EDNRB: variants seen among roughly 807,000 people sequenced by gnomAD.
EDNRB encodes the protein endothelin receptor type B, also known as Hirschsprung disease 2.
Under a neutral mutation model 46.4 loss-of-function variants are expected in EDNRB, and 18 were observed. The observed-to-expected ratio is 0.39, with a 90% confidence interval of 0.27 to 0.57. EDNRB has a LOEUF of 0.57. Among genes scored for constraint, EDNRB ranks in the 20% least tolerant of loss-of-function variants. EDNRB has a pLI of 0.61. For synonymous variants in EDNRB, 213 were observed against 204.9 expected, an observed-to-expected ratio of 1.04 and a Z score of -0.34; for missense variants, 434 against 537.5, an observed-to-expected ratio of 0.81 and a Z score of 1.90.
At chr13:77,901,296 G>A in intron 3 of EDNRB, 89 bp from the exon 4 acceptor site, 2 of 1,371,848 alleles carry the variant, frequency 1.5e-6, no homozygotes, top group Non-Finnish European at 2.0e-6. Context: ...ATTCATCAGG[G>A]AATGATTATC....
Position 77,918,166 on chromosome 13 carries a change from G to A in EDNRB, c.408C>T (p.Pro136=), listed in dbSNP as rs773354957. 3 of 1,614,172 alleles carry A rather than the reference G, an allele frequency of 1.9e-6. No homozygotes were observed. The highest frequency in any genetic ancestry group is 2.5e-6 in the Non-Finnish European group (3 of 1,180,036). The part of the protein sequence containing the change: ...IYKNKCMRNG[P]NILIASLALG... ...GAGCCAAGCTGGCGATCAAGATATT[G>A]GGACCGTTTCGCATGCACTTGTTCT... The change falls in exon 1 of 7, where the codon CCC becomes CCT. Residue 136 remains proline (P), a synonymous_variant. Coordinates refer to ENST00000646607, the MANE Select transcript of EDNRB (RefSeq NM_001122659.3). This position sits in a 1 kb window ranked among gnomAD's most constrained non-coding sequence, Gnocchi z 4.5.
chr13:77,904,685 T>C (rs1010426431), intron 1 of EDNRB, among the ~76,000 whole-genome samples: 2 of 151,896 alleles, frequency 1.3e-5, no homozygotes, highest in African/African-American at 4.8e-5. Context: ...CCATCTATTA[T>C]TAAATGTGGT....
rs11359758 is a variant in EDNRB, at chr13:77,908,426, CAAA to C, written c.484-4822_484-4820del. On this transcript the variant is annotated intron_variant, in intron 1 of 6. Coordinates refer to ENST00000646607, the MANE Select transcript of EDNRB (RefSeq NM_001122659.3). ...GTGGGGAAAAACTATGAAGTTTTGC[CAAA>C]AAAAAAAAAAAAAAAATTCACTCTC... Among the ~76,000 whole-genome samples, 515 of 124,142 alleles carry C rather than the reference CAAA, an allele frequency of 4.1e-3. 4 individuals are homozygous for C. The highest frequency in any genetic ancestry group is 8.3e-3 in the Middle Eastern group (2 of 242). 81.4% of individuals were successfully genotyped at this position (124,142 alleles called of 152,430 possible).
chr13:77,910,509 C>T lies in EDNRB; in HGVS notation c.484-6902G>A, dbSNP rs3027126. 8.8e-3 allele frequency among the ~76,000 whole-genome samples: 1,339 copies of T among 151,978 alleles called. 32 individuals are homozygous for T. The highest frequency in any genetic ancestry group is 0.029 in the African/African-American group (1,200 of 41,484). On this transcript the variant is annotated intron_variant, in intron 1 of 6. Coordinates refer to ENST00000646607, the MANE Select transcript of EDNRB (RefSeq NM_001122659.3). ...ACACAAAGAAATAGTTCAAAGTAAG[C>T]TTTGAATTTGGAGTCAATATGCTGA... is the stretch of plus-strand genomic sequence containing the variant.
At chr13:77,920,551 T>G (rs1325011301), upstream of EDNRB, among the ~76,000 whole-genome samples, 1 of 152,206 alleles carries the variant, frequency 6.6e-6, no homozygotes, top group Non-Finnish European at 1.5e-5. Flanking sequence ...GAACCTTGGA[T>G]TTTTGGCTCT....
chr13:77,931,847 G>C lies in EDNRB; in HGVS notation c.-51-13223C>G, dbSNP rs182323569. Among the ~76,000 whole-genome samples, 3 of 148,616 alleles carry C rather than the reference G, an allele frequency of 2.0e-5. No individual in the cohort carries two copies. In the East Asian group the frequency reaches 6.0e-4, roughly 30 times the overall value. On this transcript the variant is annotated intron_variant, in intron 1 of 7. Coordinates refer to the EDNRB transcript ENST00000646948. ...TTCAATAGGCATAGCAATGAAAATA[G>C]TTATGATTTGTGCAAAAATCATGAA... is the stretch of plus-strand genomic sequence containing the variant.
Position 77,901,208 on chromosome 13 carries a change from C to G in EDNRB, c.802-1G>C. 1 of 1,610,096 alleles carries G rather than the reference C, an allele frequency of 6.2e-7. No individual in the cohort carries two copies. Among genetic ancestry groups the G allele is most frequent in the Non-Finnish European group, 8.5e-7 (1 of 1,177,736 alleles). ...ACCAATCTTTTGCTGTCTTGTAAAA[C>G]TATAGGGATGAGAGAATTTTTACGA... On this transcript the variant is annotated splice_acceptor_variant, in intron 3 of 6. Transcript: ENST00000646607. LOFTEE classifies it high-confidence loss of function.
In EDNRB at chr13:77,897,296, A is replaced by C. The variant is rs1878679753; in HGVS notation, c.*904T>G. 8.1e-6 allele frequency: 8 copies of C among 985,100 alleles called. No individual in the cohort carries two copies. The South Asian group carries it at 3.8e-4, about 46-fold the overall frequency. 61.0% of individuals were successfully genotyped at this position (985,100 alleles called of 1,614,324 possible). On this transcript the variant is annotated 3_prime_UTR_variant, in exon 7 of 7. Coordinates refer to ENST00000646607, the MANE Select transcript of EDNRB (RefSeq NM_001122659.3). ...GACAAAACCAAACAGAGTTTAAGCT[A>C]CGATAGTGAAAGAAGAAGATTTTAA...
chr13:77,921,550 A>G (rs1056703697), upstream of EDNRB, among the ~76,000 whole-genome samples: 3 of 152,232 alleles, frequency 2.0e-5, no homozygotes, highest in Non-Finnish European at 4.4e-5. Context: ...TAGGATTTGA[A>G]TGCATGTCTA....
At chr13:77,921,305 A>G (rs556492600), upstream of EDNRB, among the ~76,000 whole-genome samples, 325 of 152,352 alleles carry the variant, frequency 2.1e-3, no homozygotes, top group Non-Finnish European at 3.5e-3. Context: ...ATAAGGCCAA[A>G]CAATTTTAAG....
chr13:77,924,259 T>C (rs536001276), upstream of EDNRB, among the ~76,000 whole-genome samples: 1 of 152,346 alleles, frequency 6.6e-6, no homozygotes, highest in African/African-American at 2.4e-5. Flanking sequence ...TCTTCTCTTT[T>C]GGGCCCTGCT....
At chr13:77,940,302 T>C (rs1257595160) in intron 1 of EDNRB, among the ~76,000 whole-genome samples, 1 of 148,018 alleles carries the variant, frequency 6.8e-6, no homozygotes, top group Non-Finnish European at 1.5e-5. Context: ...GAGGAAATGG[T>C]TAAATTTAAC....
In EDNRB at chr13:77,918,381, A is replaced by G; in HGVS notation, c.193T>C (p.Ser65Pro). ...TTAGGCACCTCCGCAGGTGCCAACG[A>G]CCGCGCCAGACTGGCGTTGGAACCC... ...PKGSNASLAR[S>P]LAPAEVPKGD... Residue 65 changes from serine (S) to proline (P), a missense_variant, in exon 1 of 7, where the codon TCG (serine) becomes CCG (proline). Coordinates refer to ENST00000646607, the MANE Select transcript of EDNRB (RefSeq NM_001122659.3). This position sits in a 1 kb window ranked among gnomAD's most constrained non-coding sequence, Gnocchi z 4.5. The G allele has an allele frequency of 6.2e-7, 1 of 1,605,640 alleles. No individual in the cohort carries two copies. Among genetic ancestry groups the G allele is most frequent in the Non-Finnish European group, 8.5e-7 (1 of 1,174,400 alleles).
chr13:77,962,151 C>A (rs1008413350), intron 1 of EDNRB, among the ~76,000 whole-genome samples: 21 of 152,146 alleles, frequency 1.4e-4, no homozygotes, highest in African/African-American at 4.3e-4. Flanking sequence ...GCCTACCAAC[C>A]AAAAAACGTC....
At chr13:77,952,794 G>A (rs1006886271) in intron 1 of EDNRB, among the ~76,000 whole-genome samples, 4 of 152,174 alleles carry the variant, frequency 2.6e-5, no homozygotes, top group African/African-American at 4.8e-5. Flanking sequence ...GTATTGCTCT[G>A]TAGATTGATA....
Position 77,918,065 on chromosome 13 carries a change from C to T in EDNRB, c.483+26G>A, listed in dbSNP as rs1357032035. ...AACCAGGCCCCCTTCCTCAAGCCCA[C>T]CATGATTTCAGCAGGCGCCCTTTAC... is the stretch of plus-strand genomic sequence containing the variant. On this transcript the variant is annotated intron_variant, in intron 1 of 6. Coordinates refer to ENST00000646607, the MANE Select transcript of EDNRB (RefSeq NM_001122659.3). This position sits in a 1 kb window ranked among gnomAD's most constrained non-coding sequence, Gnocchi z 4.5. 5 of 1,613,782 alleles carry T rather than the reference C, an allele frequency of 3.1e-6. No homozygotes were observed. The highest frequency in any genetic ancestry group is 4.2e-6 in the Non-Finnish European group (5 of 1,180,034).
intron 1 of EDNRB, among the ~76,000 whole-genome samples, chr13:77,949,557 A>G (rs985429285): frequency 6.6e-6 from 1 of 152,068 alleles, no homozygotes; most frequent in South Asian, 2.1e-4. Context: ...TTCCACTTCA[A>G]CTCAGCCTTA....
At chr13:77,918,986 G>A (rs1475714577), upstream of EDNRB, 2 of 977,260 alleles carry the variant, frequency 2.0e-6, no homozygotes, top group East Asian at 4.9e-5. The surrounding 1 kb of genome is among the most constrained non-coding windows in gnomAD (Gnocchi z 4.5). Flanking sequence ...AGCGTGCGTG[G>A]GAACCGCGGA....
rs12720184 is a variant in EDNRB at position 77,904,020 on chromosome 13, C to T, written c.484-413G>A. Among the ~76,000 whole-genome samples, 452 of 152,070 alleles carry T rather than the reference C, an allele frequency of 3.0e-3. 3 individuals are homozygous for T. The highest frequency in any genetic ancestry group is 0.01 in the African/African-American group (436 of 41,528). Reference sequence around the variant, plus strand: ...GTCCTTAGCTGAGGAGACCAGACTTCCCTACTGAAGTAGTACTCCATGCAG... The same window carrying T: ...GTCCTTAGCTGAGGAGACCAGACTTTCCTACTGAAGTAGTACTCCATGCAG... On this transcript the variant is annotated intron_variant, in intron 1 of 6. Transcript: ENST00000646607.
Sources: allele counts gnomAD v4.1 joint callset (sites outside exome capture counted in the v4.1 genomes callset), GRCh38; gene constraint gnomAD v4.1.1; non-coding constraint Gnocchi (gnomAD v3.1); transcripts MANE v1.5; gene names NCBI Gene and HGNC (gene_info 2026-07-23, HGNC 2026-07-21).